Variants in HRK observed in about 807,000 individuals in gnomAD.
HRK encodes the protein activator of apoptosis harakiri.
In HRK, 6 loss-of-function variants were observed where a neutral mutation model predicts 5.9. The ratio of observed to expected loss-of-function variants is 1.02; its 90% CI spans 0.56 to 2.01. The LOEUF (loss-of-function observed/expected upper bound fraction) is 2.01, where lower values mean the gene tolerates loss of function less well. Among genes scored for constraint, HRK ranks in the 30% most tolerant of loss-of-function variants. The pLI, the probability that HRK is intolerant of heterozygous loss-of-function variation, is 0.00. For synonymous variants in HRK, 85 were observed against 65.1 expected (o/e 1.31, Z -1.47); for missense variants, 133 against 128.3 (o/e 1.04, Z -0.18).
Position 116,879,665 on chromosome 12 carries a change from G to A in HRK, c.*56+1311C>T, listed in dbSNP as rs1032512404. 3 of 152,136 alleles carry A rather than the reference G, an allele frequency of 2.0e-5. No individual in the cohort carries two copies. The highest frequency in any genetic ancestry group is 7.2e-5 in the African/African-American group (3 of 41,456). 9.4% of individuals were successfully genotyped at this position (152,136 alleles called of 1,614,324 possible). A position where few individuals can be genotyped will look rare whatever the true frequency, so the allele number is the denominator to read the frequency against. On this transcript the variant is annotated intron_variant, in intron 1 of 1. Transcript: ENST00000257572. The surrounding 1 kb of genome is among the most constrained non-coding windows in gnomAD (Gnocchi z 5.6). ...CTCTTCGCCAGCGCCCGGGCTGCGC[G>A]GGCCCACGCGACATCTGTCGCCTGC...
chr12:116,866,897 G>A (rs991695819), intron 1 of HRK, among the ~76,000 whole-genome samples: 1 of 152,114 alleles, frequency 6.6e-6, no homozygotes, highest in African/African-American at 2.4e-5. Flanking sequence ...AGATAATGTT[G>A]CCCATGTCCC....
chr12:116,866,119 T>C lies in HRK; in HGVS notation c.*57-4653A>G, dbSNP rs978931291. On this transcript the variant is annotated intron_variant, in intron 1 of 1. Coordinates refer to ENST00000257572, the MANE Select transcript of HRK (RefSeq NM_003806.4). The stretch of plus-strand genomic sequence containing the variant: ...GTTGCAGTGAACTGAGGTGGTACCA[T>C]TGCACTCCAGCCTGGGAGAGAGAGC... Among the ~76,000 whole-genome samples the C allele has an allele frequency of 6.8e-5, 9 of 133,274 alleles. No homozygotes were observed. In the South Asian group the frequency reaches 7.1e-4, roughly 10 times the overall value. The allele number at this position is 133,274 out of a possible 152,430, so 87.4% of individuals were successfully genotyped here.
chr12:116,864,644 G>T (rs1377822011), intron 1 of HRK, among the ~76,000 whole-genome samples: 2 of 152,152 alleles, frequency 1.3e-5, no homozygotes, highest in African/African-American at 4.8e-5. Flanking sequence ...AGCGTGATGA[G>T]CAGGGAACTG....
At position 116,859,961 on chromosome 12, in the gene HRK, T is replaced by C. The variant is rs1244823897; in HGVS notation, c.*1562A>G. Reference sequence around the variant, plus strand: ...AAAGCCTGTGGGGGGATAATTCCCATTTCAGCCGCATCCACCTTAAACATG... The same window carrying C: ...AAAGCCTGTGGGGGGATAATTCCCACTTCAGCCGCATCCACCTTAAACATG... On this transcript the variant is annotated 3_prime_UTR_variant, in exon 2 of 2. Coordinates refer to ENST00000257572, the MANE Select transcript of HRK (RefSeq NM_003806.4). The C allele has an allele frequency of 1.3e-5, 2 of 152,236 alleles. No individual in the cohort carries two copies. The highest frequency in any genetic ancestry group is 6.5e-5 in the Admixed American group (1 of 15,280). The allele number at this position is 152,236 out of a possible 1,614,324, so 9.4% of individuals were successfully genotyped here.
chr12:116,872,606 C>T (rs1878792613), intron 1 of HRK, among the ~76,000 whole-genome samples: 1 of 151,666 alleles, frequency 6.6e-6, no homozygotes, highest in Non-Finnish European at 1.5e-5. Context: ...AAAACCCTGT[C>T]TCTACAAAAA....
chr12:116,865,801 C>T (rs1260268231), intron 1 of HRK, among the ~76,000 whole-genome samples: 1 of 152,108 alleles, frequency 6.6e-6, no homozygotes, highest in East Asian at 1.9e-4. Context: ...CAGCACAACG[C>T]CCAGCGTATA....
intron 1 of HRK, among the ~76,000 whole-genome samples, chr12:116,870,767 C>T (rs1016570944): frequency 9.2e-5 from 14 of 151,950 alleles, no homozygotes; most frequent in Non-Finnish European, 1.8e-4. Context: ...GCCATTGCAC[C>T]GCAGCCTGGG....
chr12:116,871,983 T>C (rs919487829), intron 1 of HRK, among the ~76,000 whole-genome samples: 1 of 151,890 alleles, frequency 6.6e-6, no homozygotes, highest in Non-Finnish European at 1.5e-5. Context: ...TACAGTGGTG[T>C]AATTGTAGCT....
chr12:116,860,461 C>T lies in HRK; in HGVS notation c.*1062G>A, dbSNP rs1369734180. 6.6e-6 allele frequency: 1 copy of T among 152,142 alleles called. No individual in the cohort carries two copies. Among genetic ancestry groups the T allele is most frequent in the East Asian group, 1.9e-4 (1 of 5,192 alleles). 9.4% of individuals were successfully genotyped at this position (152,142 alleles called of 1,614,324 possible). The stretch of plus-strand genomic sequence containing the variant: ...TTTCTTGGCTCTTTAATCCATAAAA[C>T]CTAAACCCTGAAATCCCCTTGGGGA... On this transcript the variant is annotated 3_prime_UTR_variant, in exon 2 of 2. Coordinates refer to ENST00000257572, the MANE Select transcript of HRK (RefSeq NM_003806.4).
chr12:116,877,944 C>T (rs992787212), intron 1 of HRK, among the ~76,000 whole-genome samples: 2 of 152,118 alleles, frequency 1.3e-5, no homozygotes, highest in Admixed American at 6.5e-5. Flanking sequence ...CTCGCTCTGT[C>T]GCCCAGGCTG....
intron 1 of HRK, among the ~76,000 whole-genome samples, chr12:116,868,945 C>T (rs909436537): frequency 6.7e-6 from 1 of 149,998 alleles, no homozygotes; most frequent in Non-Finnish European, 1.5e-5. Context: ...TAAAGATGGG[C>T]CCATGGACTA....
intron 1 of HRK, among the ~76,000 whole-genome samples, chr12:116,880,447 G>T (rs1879103324): frequency 6.6e-6 from 1 of 152,174 alleles, no homozygotes; most frequent in Non-Finnish European, 1.5e-5. Flanking sequence ...CTCGAGATGC[G>T]CTTGGGGTGC....
rs1878320230 is a variant in HRK, at chr12:116,860,502, G to C, written c.*1021C>G. 1.3e-5 allele frequency: 2 copies of C among 152,090 alleles called. No individual in the cohort carries two copies. The highest frequency in any genetic ancestry group is 4.8e-5 in the African/African-American group (2 of 41,420). The allele number at this position is 152,090 out of a possible 1,614,324, so 9.4% of individuals were successfully genotyped here. On this transcript the variant is annotated 3_prime_UTR_variant, in exon 2 of 2. Transcript: ENST00000257572. ...CCCTTGGGGAGTGGAGGAGGCTGTGGGCTGAACTCCGAGGACACTTTTGTG... is the reference window on the plus strand; with the variant it reads ...CCCTTGGGGAGTGGAGGAGGCTGTGCGCTGAACTCCGAGGACACTTTTGTG...
At chr12:116,868,758 T>C (rs144551960) in intron 1 of HRK, among the ~76,000 whole-genome samples, 27 of 152,332 alleles carry the variant, frequency 1.8e-4, no homozygotes, top group Non-Finnish European at 3.5e-4. Flanking sequence ...TTTGCATCTT[T>C]CTGGGACCTG....
intron 1 of HRK, chr12:116,869,366 A>AG (rs1363099171): frequency 3.2e-4 from 48 of 152,304 alleles, no homozygotes; most frequent in African/African-American, 1.1e-3. Flanking sequence ...ACATCCTTGT[A>AG]CTGCACTGGA....
Position 116,881,061 on chromosome 12 carries a change from C to T in HRK, c.247G>A (p.Ala83Thr). The change falls in exon 1 of 2, where the codon GCC becomes ACC. Residue 83 changes from alanine to threonine, a missense_variant. Coordinates refer to ENST00000257572, the MANE Select transcript of HRK (RefSeq NM_003806.4). ...CAAAQVAALA[A>T]WLLGRRNL ...AAGTTCCGCCTGCCGAGCAGCCAGG[C>T]CGCCAGCGCCGCCACCTGCGCGGCC... 7.4e-7 allele frequency: 1 copy of T among 1,355,736 alleles called. No homozygotes were observed. The highest frequency in any genetic ancestry group is 9.5e-7 in the Non-Finnish European group (1 of 1,054,366). The allele number at this position is 1,355,736 out of a possible 1,614,324, so 84.0% of individuals were successfully genotyped here.
chr12:116,867,266 C>T (rs1878581055), intron 1 of HRK, among the ~76,000 whole-genome samples: 1 of 152,070 alleles, frequency 6.6e-6, no homozygotes, highest in African/African-American at 2.4e-5. Context: ...CTCAGCCTCC[C>T]AAGTAGCTGG....
At chr12:116,872,242 C>T (rs1236460991) in intron 1 of HRK, among the ~76,000 whole-genome samples, 1 of 151,984 alleles carries the variant, frequency 6.6e-6, no homozygotes, top group Non-Finnish European at 1.5e-5. Context: ...TGGTGGCAGG[C>T]ACCTGTAATC....
chr12:116,866,484 C>T (rs1406568631), intron 1 of HRK, among the ~76,000 whole-genome samples: 1 of 151,628 alleles, frequency 6.6e-6, no homozygotes, highest in African/African-American at 2.4e-5. Context: ...TCCCTTAAAT[C>T]TCCATCTGTA....
Sources: allele counts gnomAD v4.1 joint callset (sites outside exome capture counted in the v4.1 genomes callset), GRCh38; gene constraint gnomAD v4.1.1; non-coding constraint Gnocchi (gnomAD v3.1); transcripts MANE v1.5; gene names NCBI Gene and HGNC (gene_info 2026-07-23, HGNC 2026-07-21).